STOX2: variants seen among roughly 807,000 people sequenced by gnomAD.
STOX2 encodes the protein storkhead box 2.
STOX2 carries 28 observed loss-of-function variants against 60.9 expected under a neutral mutation model. The observed-to-expected ratio is 0.46, with a 90% CI of 0.34 to 0.63. The LOEUF (loss-of-function observed/expected upper bound fraction) is 0.63, where lower values mean the gene tolerates loss of function less well. Among genes scored for constraint, STOX2 ranks in the 30% least tolerant of loss-of-function variants. The probability of loss-of-function intolerance (pLI) is 0.01; values close to 1 mark genes in which losing one functional copy is unlikely to be tolerated. For missense variants in STOX2, 1,024 were observed against 1,187.7 expected, an observed-to-expected ratio of 0.86 and a Z score of 2.03; for synonymous variants, 472 against 463.9, an observed-to-expected ratio of 1.02 and a Z score of -0.22.
At chr4:183,934,164 AT>A (rs142152998) in intron 1 of STOX2, among the ~76,000 whole-genome samples, 19,092 of 151,986 alleles carry the variant, frequency 0.13, 1,513 homozygotes, top group South Asian at 0.2. Context: ...TTAGCCGGGC[AT>A]GGTGGCAGGT....
In STOX2 at chr4:184,019,695, A is replaced by G. The variant is rs1211143310; in HGVS notation, c.*2411A>G. ...AATTTTTTAAAAACTCCCTTAGACCAGCAGCCATTAGTGTAGAAATGATGG... is the reference window on the plus strand; with the variant it reads ...AATTTTTTAAAAACTCCCTTAGACCGGCAGCCATTAGTGTAGAAATGATGG... On this transcript the variant is annotated 3_prime_UTR_variant, in exon 4 of 4. Coordinates refer to ENST00000308497, the MANE Select transcript of STOX2 (RefSeq NM_020225.3). 2.0e-5 allele frequency: 3 copies of G among 152,248 alleles called. No individual in the cohort carries two copies. The highest frequency in any genetic ancestry group is 4.8e-5 in the African/African-American group (2 of 41,470). The allele number at this position is 152,248 out of a possible 1,614,324, so 9.4% of individuals were successfully genotyped here. A position where few individuals can be genotyped will look rare whatever the true frequency, so the allele number is the denominator to read the frequency against.
chr4:183,996,491 C>T (rs1733352568), intron 1 of STOX2, among the ~76,000 whole-genome samples: 1 of 152,186 alleles, frequency 6.6e-6, no homozygotes, highest in African/African-American at 2.4e-5. Flanking sequence ...TTAGCAGTAC[C>T]TACATTCTCC....
At chr4:183,820,771 T>G (rs1739287274) in intron 1 of STOX2, among the ~76,000 whole-genome samples, 1 of 152,104 alleles carries the variant, frequency 6.6e-6, no homozygotes. Flanking sequence ...TTTTGAGACA[T>G]TCAAGGTAAC....
chr4:183,800,469 C>A (rs1554017504), intron 1 of STOX2, among the ~76,000 whole-genome samples: 1 of 152,210 alleles, frequency 6.6e-6, no homozygotes, highest in Non-Finnish European at 1.5e-5. Flanking sequence ...TAATACATTT[C>A]TTGCAGCATC....
chr4:183,841,350 A>T (rs1330529675), intron 1 of STOX2, among the ~76,000 whole-genome samples: 2 of 151,862 alleles, frequency 1.3e-5, no homozygotes. Flanking sequence ...CTGTAGGTGC[A>T]TGCCACCATA....
chr4:184,016,996 C>T (rs1338941351), intron 3 of STOX2, 93 bp from the exon 4 acceptor site: 2 of 1,026,132 alleles, frequency 1.9e-6, no homozygotes, highest in African/African-American at 3.3e-5. Flanking sequence ...CAGAGGAAAT[C>T]CATTAACGAC....
At chr4:183,867,397 G>A (rs1004638945) in intron 1 of STOX2, among the ~76,000 whole-genome samples, 2 of 152,222 alleles carry the variant, frequency 1.3e-5, no homozygotes, top group East Asian at 1.9e-4. Context: ...CCGAGAGCCC[G>A]AGGAGAAAGG....
At chr4:183,901,475 T>G (rs1365327788), upstream of STOX2, among the ~76,000 whole-genome samples, 1 of 152,230 alleles carries the variant, frequency 6.6e-6, no homozygotes, top group Non-Finnish European at 1.5e-5. Flanking sequence ...TTTTAAGTTT[T>G]TGAGGAGTTG....
chr4:183,818,342 T>A (rs937519057), intron 1 of STOX2, among the ~76,000 whole-genome samples: 1 of 152,112 alleles, frequency 6.6e-6, no homozygotes, highest in Non-Finnish European at 1.5e-5. Context: ...ACAAAGCACA[T>A]CTTGCACCGC....
chr4:183,813,054 T>G (rs947663431), intron 1 of STOX2, among the ~76,000 whole-genome samples: 1 of 152,118 alleles, frequency 6.6e-6, no homozygotes, highest in African/African-American at 2.4e-5. Flanking sequence ...ATTCAGCCAA[T>G]GGCAGATGGA....
chr4:183,948,475 G>GCT (rs1742967778), intron 1 of STOX2, among the ~76,000 whole-genome samples: 1 of 45,946 alleles, frequency 2.2e-5, no homozygotes, highest in Non-Finnish European at 4.3e-5. Flanking sequence ...GGATCCAGGT[G>GCT]CTCTTGGGGC....
At chr4:183,911,332 A>G (rs113295179) in intron 1 of STOX2, among the ~76,000 whole-genome samples, 100 of 152,318 alleles carry the variant, frequency 6.6e-4, no homozygotes, top group African/African-American at 2.3e-3. Flanking sequence ...AAATAAATGA[A>G]GACCTGGCAA....
At chr4:183,822,240 C>T (rs977661400) in intron 1 of STOX2, among the ~76,000 whole-genome samples, 1 of 152,234 alleles carries the variant, frequency 6.6e-6, no homozygotes, top group Non-Finnish European at 1.5e-5. Flanking sequence ...GGAACGCTGG[C>T]TGTAGCTTAG....
chr4:183,970,170 G>GTT (rs1326622821), intron 1 of STOX2, among the ~76,000 whole-genome samples: 3 of 150,636 alleles, frequency 2.0e-5, no homozygotes, highest in Non-Finnish European at 3.0e-5. Context: ...GTGTGTGTGT[G>GTT]TGTGTGTGTG....
intron 1 of STOX2, among the ~76,000 whole-genome samples, chr4:183,913,054 G>A (rs892401270): frequency 2.0e-5 from 3 of 152,124 alleles, no homozygotes; most frequent in East Asian, 3.9e-4. Flanking sequence ...CTGGAGTTCC[G>A]AGAACAGAAG....
At chr4:183,971,057 G>T (rs547713672) in intron 1 of STOX2, among the ~76,000 whole-genome samples, 1 of 152,328 alleles carries the variant, frequency 6.6e-6, no homozygotes, top group East Asian at 1.9e-4. Context: ...ACATGGTAGT[G>T]TAACTGTCAA....
At chr4:183,961,121 G>T (rs1042853774) in intron 1 of STOX2, among the ~76,000 whole-genome samples, 2 of 152,082 alleles carry the variant, frequency 1.3e-5, no homozygotes, top group African/African-American at 4.8e-5. Context: ...GAAAGGTTAA[G>T]GCAGTGTCTC....
At chr4:183,923,780 A>G (rs1006407903) in intron 1 of STOX2, among the ~76,000 whole-genome samples, 3 of 152,150 alleles carry the variant, frequency 2.0e-5, no homozygotes, top group African/African-American at 7.2e-5. Context: ...GTGAGGTGTC[A>G]GATGAGTCCT....
intron 1 of STOX2, among the ~76,000 whole-genome samples, chr4:183,911,865 TG>T (rs1446452767): frequency 3.3e-5 from 5 of 152,222 alleles, no homozygotes; most frequent in Admixed American, 1.3e-4. Flanking sequence ...TGATAGAGTG[TG>T]TGATGCCTAA....
Sources: gnomAD v4.1 joint callset for allele counts (sites outside exome capture counted in the v4.1 genomes callset) on GRCh38, gnomAD v4.1.1 for gene constraint, MANE v1.5 for transcripts, NCBI Gene and HGNC (gene_info 2026-07-23, HGNC 2026-07-21) for gene names.